The following KRT26 variants were observed in gnomAD, a reference collection of about 807,000 sequenced individuals.
KRT26 encodes the protein keratin, type I cytoskeletal 26.
Under a neutral mutation model 46.1 loss-of-function variants are expected in KRT26, and 45 were observed. The ratio of observed to expected loss-of-function variants is 0.98; its 90% CI spans 0.77 to 1.25. The LOEUF is 1.25. KRT26 is among the 50% of genes most tolerant of loss of function. KRT26 has a pLI of 0.00. For missense variants in KRT26, 582 were observed against 560.1 expected (o/e 1.04, Z -0.39); for synonymous variants, 191 against 209.9 (o/e 0.91, Z 0.78).
exon 8 of KRT26, chr17:40,766,456 C>T: frequency 7.1e-7 from 1 of 1,402,948 alleles, no homozygotes; most frequent in Non-Finnish European, 9.6e-7. Context: ...GGCAGCCTTT[C>T]TTTCTTTCTT....
chr17:40,769,209 G>C (rs1285639174), intron 5 of KRT26, 113 bp from the exon 6 acceptor site: 1 of 661,860 alleles, frequency 1.5e-6, no homozygotes, highest in African/African-American at 1.8e-5. Flanking sequence ...CCCAGGCTGA[G>C]TGCAGTGGCA....
exon 4 of KRT26, chr17:40,769,987 C>G: frequency 6.2e-7 from 1 of 1,614,152 alleles, no homozygotes; most frequent in Non-Finnish European, 8.5e-7. Context: ...GCTTCAGCAT[C>G]TTTGCGGTTC....
rs768380482 is a variant in KRT26, at chr17:40,769,888, T to C, written c.844-9A>G. ...TGTTGCAGCGTTGCACTCTGAAGTG[T>C]AATTGTCGAAAGGGTTAGTGACTGG... is the stretch of plus-strand genomic sequence containing the variant. On this transcript the variant is annotated splice_polypyrimidine_tract_variant and intron_variant, in intron 4 of 7. Transcript: ENST00000335552. The C allele has an allele frequency of 1.2e-5, 19 of 1,614,068 alleles. No homozygotes were observed. The South Asian group carries it at 2.1e-4, about 18-fold the overall frequency.
intron 7 of KRT26, among the ~76,000 whole-genome samples, chr17:40,767,259 T>G (rs79236437): frequency 0.024 from 3,591 of 152,320 alleles, 159 homozygotes; most frequent in African/African-American, 0.081. Flanking sequence ...TGTCTTCTTT[T>G]AAATACCAAC....
exon 1 of KRT26, chr17:40,771,768 T>G (rs1161954264): frequency 6.2e-7 from 1 of 1,614,078 alleles, no homozygotes; most frequent in Non-Finnish European, 8.5e-7. Context: ...TACCAGCCCT[T>G]GATCTTCTGC....
intron 2 of KRT26, 85 bp from the exon 3 acceptor site, chr17:40,770,494 A>G (rs1416530290): frequency 1.8e-5 from 20 of 1,121,242 alleles, no homozygotes; most frequent in Non-Finnish European, 2.4e-5. Flanking sequence ...ATGCTGAAAG[A>G]TATGATGTTC....
chr17:40,771,179 G>A, exon 2 of KRT26: 2 of 1,606,276 alleles, frequency 1.2e-6, no homozygotes, highest in East Asian at 2.2e-5. Context: ...TCAGCGGTCA[G>A]TCTGGCATTG....
chr17:40,770,398 T>A, exon 3 of KRT26: 1 of 1,589,356 alleles, frequency 6.3e-7, no homozygotes, highest in Non-Finnish European at 8.6e-7. Context: ...CAGAGCCAGC[T>A]CATTTTCATA....
chr17:40,769,027 C>T, exon 6 of KRT26: 1 of 1,614,022 alleles, frequency 6.2e-7, no homozygotes, highest in East Asian at 2.2e-5. Flanking sequence ...CCTATCTGAT[C>T]CTGAATTTGC....
At chr17:40,771,286 G>T in intron 1 of KRT26, 50 bp from the exon 2 acceptor site, 1 of 955,060 alleles carries the variant, frequency 1.0e-6, no homozygotes, top group Non-Finnish European at 1.7e-6. Context: ...GTCAAAGGAG[G>T]CTCCAGACTT....
In KRT26 at chr17:40,766,547, C is replaced by T. The variant is rs759333476; in HGVS notation, c.1375G>A (p.Val459Ile). The T allele has an allele frequency of 5.0e-6, 8 of 1,613,238 alleles. No homozygotes were observed. In the African/African-American group the frequency reaches 1.1e-4, roughly 22 times the overall value. ...GCTTTAGAAGGTACTCGTTGCTCTACTGTAATGTTGCTTATTTTAGAGGAC... is the reference window on the plus strand; with the variant it reads ...GCTTTAGAAGGTACTCGTTGCTCTATTGTAATGTTGCTTATTTTAGAGGAC... Residue 459 changes from valine (V) to isoleucine (I), a missense_variant, in exon 8 of 8, where the codon GTA becomes ATA. Val to Ile is a conservative substitution (Grantham distance 29). Transcript: ENST00000335552.
At chr17:40,772,044 C>T (rs370460786) in exon 1 of KRT26, 11 of 1,614,070 alleles carry the variant, frequency 6.8e-6, no homozygotes, top group African/African-American at 1.3e-5. Context: ...CCTGTTCCTC[C>T]ACCGGACAGC....
At chr17:40,769,080 C>A (rs1385972141) in exon 6 of KRT26, 2 of 1,612,536 alleles carry the variant, frequency 1.2e-6, no homozygotes, top group Non-Finnish European at 1.7e-6. Flanking sequence ...AGCCAAGGAG[C>A]ATTCATAGGA....
At chr17:40,768,204 G>A (rs750197394) in intron 6 of KRT26, among the ~76,000 whole-genome samples, 7 of 152,154 alleles carry the variant, frequency 4.6e-5, no homozygotes, top group Non-Finnish European at 8.8e-5. Context: ...CTCACTATGC[G>A]GCCATGGGCA....
chr17:40,769,979 T>C (rs1296961315), exon 4 of KRT26: 1 of 1,614,202 alleles, frequency 6.2e-7, no homozygotes, highest in Admixed American at 1.7e-5. Flanking sequence ...TGAACCAGGC[T>C]TCAGCATCTT....
chr17:40,770,450 C>T (rs771176678), intron 2 of KRT26, 41 bp from the exon 3 acceptor site: 31 of 1,525,998 alleles, frequency 2.0e-5, no homozygotes, highest in African/African-American at 2.8e-5. Context: ...TCATCGTAGG[C>T]AGGTGCAAAG....
intron 7 of KRT26, among the ~76,000 whole-genome samples, chr17:40,767,045 T>C (rs2038178070): frequency 6.6e-6 from 1 of 152,224 alleles, no homozygotes; most frequent in African/African-American, 2.4e-5. Flanking sequence ...TTTTAAAAAA[T>C]GTTTGCTTTT....
intron 1 of KRT26, 87 bp downstream of exon 1, chr17:40,771,586 T>C (rs2038221387): frequency 1.6e-6 from 2 of 1,215,372 alleles, no homozygotes; most frequent in Non-Finnish European, 2.3e-6. Flanking sequence ...ATCACATAAA[T>C]TTGTTAGGCA....
exon 6 of KRT26, chr17:40,768,955 C>T (rs1374234658): frequency 3.1e-6 from 5 of 1,609,968 alleles, no homozygotes; most frequent in South Asian, 1.1e-5. Flanking sequence ...AGAAGCTGTT[C>T]ATACTCCAGC....
Sources: gnomAD v4.1 joint callset for allele counts (sites outside exome capture counted in the v4.1 genomes callset) on GRCh38, gnomAD v4.1.1 for gene constraint, MANE v1.5 for transcripts, NCBI Gene and HGNC (gene_info 2026-07-23, HGNC 2026-07-21) for gene names.